TBL1XR1: variants seen among roughly 807,000 people sequenced by gnomAD.
TBL1XR1 encodes the protein F-box-like/WD repeat-containing protein TBL1XR1.
A neutral mutation model predicts 66.9 loss-of-function variants in TBL1XR1; 5 were observed. The observed-to-expected ratio is 0.07, with a 90% CI of 0.04 to 0.16. The LOEUF is 0.16. Among genes scored for constraint, TBL1XR1 ranks in the 10% least tolerant of loss-of-function variants. TBL1XR1 has a pLI of 1.00. For missense variants in TBL1XR1, 238 were observed against 623.2 expected (o/e 0.38, Z 6.58); for synonymous variants, 210 against 206.0 (o/e 1.02, Z -0.17).
At chr3:177,176,753 T>G (rs1399871833) in intron 1 of TBL1XR1, among the ~76,000 whole-genome samples, 1 of 152,014 alleles carries the variant, frequency 6.6e-6, no homozygotes, top group Non-Finnish European at 1.5e-5. Context: ...AGGCAGAGGT[T>G]GCAGTGAGCC....
rs143913783 is a variant in TBL1XR1, at chr3:177,195,195, GA to G, written c.-122+1925del. ...ATACATCTCAGTGCAGGATAGGGTTGAAAAAAAAAATCATATTCCAAACAAG... is the reference window on the plus strand; with the variant it reads ...ATACATCTCAGTGCAGGATAGGGTTGAAAAAAAAATCATATTCCAAACAAG... On this transcript the variant is annotated intron_variant, in intron 1 of 15. Transcript: ENST00000457928. 1.7e-3 allele frequency among the ~76,000 whole-genome samples: 254 copies of G among 148,748 alleles called. 1 individual carries two copies. The highest frequency in any genetic ancestry group is 6.1e-3 in the African/African-American group (246 of 40,582).
At chr3:177,048,696 C>T (rs1716642409) in intron 7 of TBL1XR1, among the ~76,000 whole-genome samples, 1 of 152,196 alleles carries the variant, frequency 6.6e-6, no homozygotes, top group Non-Finnish European at 1.5e-5. Context: ...GATGAGAAAT[C>T]TCACAGGCTC....
chr3:177,078,999 T>C (rs4626109), intron 2 of TBL1XR1, among the ~76,000 whole-genome samples: 47,482 of 151,862 alleles, frequency 0.31, 7,845 homozygotes, highest in East Asian at 0.58. Context: ...CAGAAGCCAA[T>C]TTGAGTACCG....
chr3:177,128,804 G>T (rs187826350), intron 1 of TBL1XR1, among the ~76,000 whole-genome samples: 18 of 152,324 alleles, frequency 1.2e-4, no homozygotes, highest in Admixed American at 1.0e-3. Flanking sequence ...TGAATGTCAT[G>T]AAATATCTCT....
At chr3:177,181,670 G>C (rs1171577580) in intron 1 of TBL1XR1, among the ~76,000 whole-genome samples, 2 of 152,066 alleles carry the variant, frequency 1.3e-5, no homozygotes, top group Non-Finnish European at 2.9e-5. Context: ...AGGACACAGA[G>C]TATACACATC....
chr3:177,193,738 G>A (rs947546919), intron 1 of TBL1XR1, among the ~76,000 whole-genome samples: 7 of 141,574 alleles, frequency 4.9e-5, no homozygotes, highest in African/African-American at 1.8e-4. Flanking sequence ...AACTTGATTA[G>A]AAACACAAGT....
chr3:177,051,624 G>C lies in TBL1XR1; in HGVS notation c.307C>G (p.Leu103Val), dbSNP rs1175060411. Residue 103 changes from leucine (L) to valine (V), a missense_variant, in exon 5 of 16, where the codon CTT becomes GTT. Coordinates refer to ENST00000457928, the MANE Select transcript of TBL1XR1 (RefSeq NM_024665.7). The stretch of plus-strand genomic sequence containing the variant: ...GCAGCTGCTGCCTGTTGCTGTGCAA[G>C]CTTATCTCTATAAGCTTGTTGTCTT... ...QTRQQAYRDKLAQQQAAAAAA... is the reference protein window; with the variant it reads ...QTRQQAYRDKVAQQQAAAAAA... The C allele has an allele frequency of 6.2e-7, 1 of 1,613,610 alleles. No homozygotes were observed. The highest frequency in any genetic ancestry group is 1.7e-5 in the Admixed American group (1 of 59,996).
At chr3:177,039,973 T>C (rs1715347589) in intron 10 of TBL1XR1, among the ~76,000 whole-genome samples, 2 of 152,174 alleles carry the variant, frequency 1.3e-5, no homozygotes, top group Admixed American at 1.3e-4. Flanking sequence ...TACTTTCAAG[T>C]CCTTTAGTGA....
intron 2 of TBL1XR1, among the ~76,000 whole-genome samples, chr3:177,067,950 A>G (rs1162072785): frequency 6.6e-6 from 1 of 152,216 alleles, no homozygotes; most frequent in African/African-American, 2.4e-5. Context: ...AGAGTACACA[A>G]GAAGACTTAC....
At chr3:177,069,477 T>A (rs951876970) in intron 2 of TBL1XR1, among the ~76,000 whole-genome samples, 1 of 152,014 alleles carries the variant, frequency 6.6e-6, no homozygotes, top group Admixed American at 6.6e-5. Flanking sequence ...CTTACACTTA[T>A]AATCCCAGCA....
At chr3:177,045,458 T>G (rs564205946) in intron 10 of TBL1XR1, among the ~76,000 whole-genome samples, 52 of 152,246 alleles carry the variant, frequency 3.4e-4, no homozygotes, top group African/African-American at 1.1e-3. Flanking sequence ...TCAAGCTGAA[T>G]GTCTGGGTGT....
chr3:177,109,530 A>C (rs978971479), intron 1 of TBL1XR1, among the ~76,000 whole-genome samples: 16 of 152,210 alleles, frequency 1.1e-4, no homozygotes, highest in Non-Finnish European at 1.6e-4. Flanking sequence ...AAGAAAAAAC[A>C]AATTGTAATT....
chr3:177,098,929 G>C (rs1449787425), intron 1 of TBL1XR1, among the ~76,000 whole-genome samples: 3 of 151,976 alleles, frequency 2.0e-5, no homozygotes, highest in African/African-American at 7.3e-5. Context: ...TAATAATAAA[G>C]AGAAATATAT....
chr3:177,128,545 T>A (rs1164849950), intron 1 of TBL1XR1, among the ~76,000 whole-genome samples: 4 of 152,124 alleles, frequency 2.6e-5, no homozygotes. Flanking sequence ...GGTTAATTTT[T>A]GTATTTTTAG....
intron 1 of TBL1XR1, among the ~76,000 whole-genome samples, chr3:177,106,902 A>G (rs1222926175): frequency 1.5e-5 from 2 of 137,816 alleles, no homozygotes; most frequent in Non-Finnish European, 3.1e-5. Flanking sequence ...GAATTAACAC[A>G]ACAGCATTAC....
intron 1 of TBL1XR1, among the ~76,000 whole-genome samples, chr3:177,102,468 C>T (rs1724344844): frequency 6.6e-6 from 1 of 152,080 alleles, no homozygotes; most frequent in Admixed American, 6.5e-5. Context: ...ATAAAGCACA[C>T]CACGTAATTA....
At chr3:177,196,974 C>G (rs576327638) in intron 1 of TBL1XR1, 147 bp downstream of exon 1, 1 of 152,038 alleles carries the variant, frequency 6.6e-6, no homozygotes, top group African/African-American at 2.4e-5. Context: ...CCACGCAAGC[C>G]CAGTTCCCCC....
chr3:177,144,868 A>C (rs982813044), intron 1 of TBL1XR1, among the ~76,000 whole-genome samples: 1 of 152,262 alleles, frequency 6.6e-6, no homozygotes, highest in African/African-American at 2.4e-5. Flanking sequence ...GTAATTTTTA[A>C]CTTGTCACAA....
At chr3:177,130,868 TA>T (rs200579865) in intron 1 of TBL1XR1, among the ~76,000 whole-genome samples, 2,752 of 152,248 alleles carry the variant, frequency 0.018, 29 homozygotes, top group Middle Eastern at 0.034. Context: ...TGAAATTGGT[TA>T]AATTACTGAG....
Sources: allele counts gnomAD v4.1 joint callset (sites outside exome capture counted in the v4.1 genomes callset), GRCh38; gene constraint gnomAD v4.1.1; transcripts MANE v1.5; gene names NCBI Gene and HGNC (gene_info 2026-07-23, HGNC 2026-07-21).